ABCB4: variants seen among roughly 807,000 people sequenced by gnomAD.
The protein encoded by ABCB4 is phosphatidylcholine translocator ABCB4.
A neutral mutation model predicts 145.7 loss-of-function variants in ABCB4; 76 were observed. That is an observed-to-expected ratio of 0.52 (90% CI 0.43 to 0.63). The LOEUF (loss-of-function observed/expected upper bound fraction) is 0.63, where lower values mean the gene tolerates loss of function less well. Ranked by LOEUF, ABCB4 falls within the 30% of genes least tolerant of loss-of-function variation. The pLI is 0.00. For synonymous variants in ABCB4, 517 were observed against 566.8 expected, an observed-to-expected ratio of 0.91 and a Z score of 1.25; for missense variants, 1,234 against 1,553.1, an observed-to-expected ratio of 0.79 and a Z score of 3.45.
chr7:87,374,037 C>T, the ABCB4 span, among the ~76,000 whole-genome samples: 4 of 151,828 alleles, frequency 2.6e-5, no homozygotes, highest in Admixed American at 6.6e-5. Flanking sequence ...GAACAAAAAT[C>T]GAGGACAGTA....
At chr7:87,387,212 G>A in the ABCB4 span, among the ~76,000 whole-genome samples, 1 of 151,896 alleles carries the variant, frequency 6.6e-6, no homozygotes, top group African/African-American at 2.4e-5. Flanking sequence ...AGTGAAGCCA[G>A]ATTGCTTCTA....
intron 20 of ABCB4, 33 bp downstream of exon 20, chr7:87,418,504 T>TA (rs765960693): frequency 1.1e-4 from 175 of 1,599,160 alleles, no homozygotes; most frequent in Non-Finnish European, 1.4e-4. Context: ...CCATGTTATG[T>TA]AAAAAACTAC....
the ABCB4 span, among the ~76,000 whole-genome samples, chr7:87,386,683 T>C: frequency 0.022 from 3,282 of 152,274 alleles, 124 homozygotes; most frequent in African/African-American, 0.073. Context: ...ACCCTGGCTG[T>C]GTGGGAAGGC....
At chr7:87,403,402 A>C in intron 26 of ABCB4, 121 bp from the exon 27 acceptor site, 1 of 932,284 alleles carries the variant, frequency 1.1e-6, no homozygotes, top group Non-Finnish European at 1.7e-6. Context: ...TCAACTTAAC[A>C]GAGTGTTTAT....
In ABCB4 at chr7:87,418,568, CT is replaced by C. The variant is rs1554401344; in HGVS notation, c.2446del (p.Arg816AspfsTer19). ...HKNSTGALST[R>X]LATDAAQVQG... Reference sequence around the variant, plus strand: ...GACTTGGGCAGCATCTGTGGCAAGTCTTGTAGAAAGTGCACCAGTACTGTTT... The same window carrying C: ...GACTTGGGCAGCATCTGTGGCAAGTCTGTAGAAAGTGCACCAGTACTGTTT... On this transcript the variant is annotated frameshift_variant, in exon 20 of 28. Coordinates refer to ENST00000649586, the MANE Select transcript of ABCB4 (RefSeq NM_000443.4). LOFTEE classifies it high-confidence loss of function. The C allele has an allele frequency of 6.2e-7, 1 of 1,614,112 alleles. No homozygotes were observed. Among genetic ancestry groups the C allele is most frequent in the Non-Finnish European group, 8.5e-7 (1 of 1,180,004 alleles).
At chr7:87,391,735 A>C in the ABCB4 span, 1 of 1,595,762 alleles carries the variant, frequency 6.3e-7, no homozygotes, top group Non-Finnish European at 8.5e-7. Context: ...AAGGAAAAAA[A>C]CTCACAAGAT....
intron 19 of ABCB4, among the ~76,000 whole-genome samples, chr7:87,419,155 A>C (rs1809214375): frequency 6.6e-6 from 1 of 152,202 alleles, no homozygotes; most frequent in Non-Finnish European, 1.5e-5. Context: ...CTTAATTTTA[A>C]TTGTAAGCTA....
At chr7:87,475,548 C>T (rs1174371882) in intron 1 of ABCB4, 77 bp from the exon 2 acceptor site, 4 of 1,464,368 alleles carry the variant, frequency 2.7e-6, no homozygotes, top group Non-Finnish European at 3.8e-6. Flanking sequence ...GGCCCGGGGG[C>T]ACTGGGTGGA....
At chr7:87,377,099 A>C in the ABCB4 span, among the ~76,000 whole-genome samples, 7 of 152,256 alleles carry the variant, frequency 4.6e-5, no homozygotes, top group South Asian at 1.2e-3. Flanking sequence ...TGAATATTGT[A>C]CCAGCATTTT....
At chr7:87,375,787 T>A in the ABCB4 span, 2 of 1,612,702 alleles carry the variant, frequency 1.2e-6, no homozygotes, top group East Asian at 4.5e-5. Flanking sequence ...ATGTATTGTA[T>A]TTCAGTTGTA....
chr7:87,426,944 A>AGTGCGTGTGT (rs1554403495), intron 15 of ABCB4, 24 bp from the exon 16 acceptor site: 4 of 1,032,086 alleles, frequency 3.9e-6, no homozygotes, highest in Admixed American at 1.9e-5. Flanking sequence ...AAGACATTAA[A>AGTGCGTGTGT]GTGTGTGTGT....
intron 26 of ABCB4, among the ~76,000 whole-genome samples, chr7:87,404,072 G>T (rs773051320): frequency 1.3e-4 from 20 of 152,128 alleles, no homozygotes; most frequent in Non-Finnish European, 2.1e-4. Flanking sequence ...CTTATATTAA[G>T]AGCTGAAGCT....
At chr7:87,378,189 C>G in the ABCB4 span, among the ~76,000 whole-genome samples, 1 of 151,684 alleles carries the variant, frequency 6.6e-6, no homozygotes, top group East Asian at 1.9e-4. Context: ...ACAAAAAATA[C>G]AAAAATTAGC....
rs781560404 is a variant in ABCB4, at chr7:87,451,726, A to C, written c.605T>G (p.Phe202Cys). 2 of 1,614,072 alleles carry C rather than the reference A, an allele frequency of 1.2e-6. No homozygotes were observed. ...VGMFFQAVATFFAGFIVGFIR... is the reference protein window; with the variant it reads ...VGMFFQAVATCFAGFIVGFIR... Reference sequence around the variant, plus strand: ...GAATCCCACTATGAATCCTGCAAAAAACGTGGCTACTGCTTGAAAGAACAT... The same window carrying C: ...GAATCCCACTATGAATCCTGCAAAACACGTGGCTACTGCTTGAAAGAACAT... Residue 202 changes from phenylalanine (F) to cysteine (C), a missense_variant, in exon 7 of 28, where the codon TTT becomes TGT. Phe to Cys is a radical substitution (Grantham distance 205). Around this residue, in one of 7 missense-constraint regions of ABCB4, gnomAD observed 467 missense variants for 632.8 expected, o/e 0.74. Coordinates refer to ENST00000649586, the MANE Select transcript of ABCB4 (RefSeq NM_000443.4).
At chr7:87,471,569 A>G (rs1449459410) in intron 3 of ABCB4, among the ~76,000 whole-genome samples, 1 of 152,144 alleles carries the variant, frequency 6.6e-6, no homozygotes, top group Non-Finnish European at 1.5e-5. Context: ...GCAGTGTTTG[A>G]GAGTGTGGAT....
At chr7:87,453,461 GCATGAGCCACCACCCC>G (rs1466371626) in intron 5 of ABCB4, among the ~76,000 whole-genome samples, 2 of 152,222 alleles carry the variant, frequency 1.3e-5, no homozygotes, top group African/African-American at 4.8e-5. Flanking sequence ...TGGGATTATA[GCATGAGCCACCACCCC>G]CACCCTACCA....
At chr7:87,382,089 C>T in the ABCB4 span, 50 of 1,611,786 alleles carry the variant, frequency 3.1e-5, no homozygotes, top group Admixed American at 6.7e-5. Context: ...AGAGAAGGTA[C>T]GAGATATACC....
Position 87,462,896 on chromosome 7 carries a change from C to A in ABCB4, c.148G>T (p.Asp50Tyr). The A allele has an allele frequency of 6.2e-7, 1 of 1,613,598 alleles. No homozygotes were observed. The highest frequency in any genetic ancestry group is 8.5e-7 in the Non-Finnish European group (1 of 1,179,766). The change falls in exon 4 of 28, where the codon GAT becomes TAT. Residue 50 changes from aspartate to tyrosine, a missense_variant. By Grantham distance (160) the Asp-to-Tyr change is radical. Coordinates refer to ENST00000649586, the MANE Select transcript of ABCB4 (RefSeq NM_000443.4). ...GACATAAACAATTTATCCTGCCAAT[C>A]GGAGTATCGAAACTAAAAAAAGGAA... The part of the protein sequence containing the change: ...IGVLTLFRYS[D>Y]WQDKLFMSLG...
At position 87,452,949 on chromosome 7, in the gene ABCB4, T is replaced by A. The variant is rs1168739904; in HGVS notation, c.531A>T (p.Leu177=). The change falls in exon 6 of 28, where the codon CTA becomes CTT. Residue 177 remains leucine (L), a synonymous_variant. Coordinates refer to ENST00000649586, the MANE Select transcript of ABCB4 (RefSeq NM_000443.4). ...GACATTAACAATGTACCTACTCTGTTAGCCGCGTATTGAGTTCAGTGGTGT... is the reference window on the plus strand; with the variant it reads ...GACATTAACAATGTACCTACTCTGTAAGCCGCGTATTGAGTTCAGTGGTGT... ...INDTTELNTR[L]TDDISKISEG... is the part of the protein sequence containing the mutation. 1.2e-6 allele frequency: 2 copies of A among 1,613,820 alleles called. No individual in the cohort carries two copies. The highest frequency in any genetic ancestry group is 2.7e-5 in the African/African-American group (2 of 74,928).
Sources: gnomAD v4.1 joint callset for allele counts (sites outside exome capture counted in the v4.1 genomes callset) on GRCh38, gnomAD v4.1.1 for gene constraint, gnomAD v4.1.1 regional missense constraint, MANE v1.5 for transcripts, NCBI Gene and HGNC (gene_info 2026-07-23, HGNC 2026-07-21) for gene names.